The following NELL2 variants were observed in gnomAD, a reference collection of about 807,000 sequenced individuals.
The protein encoded by NELL2 is protein kinase C-binding protein NELL2.
NELL2 carries 41 observed loss-of-function variants against 109.6 expected under a neutral mutation model. The ratio of observed to expected loss-of-function variants is 0.37; its 90% CI spans 0.29 to 0.49. The LOEUF (loss-of-function observed/expected upper bound fraction) is 0.49. NELL2 is among the 20% of genes least tolerant of loss of function. The probability of loss-of-function intolerance (pLI) is 0.98; values close to 1 mark genes in which losing one functional copy is unlikely to be tolerated. For synonymous variants in NELL2, 355 were observed against 344.7 expected (o/e 1.03, Z -0.33); for missense variants, 900 against 1,008.3 (o/e 0.89, Z 1.45).
intron 13 of NELL2, among the ~76,000 whole-genome samples, chr12:44,663,697 C>T (rs940091264): frequency 4.6e-5 from 7 of 152,102 alleles, no homozygotes; most frequent in East Asian, 3.9e-4. Flanking sequence ...CTGGGAGAGG[C>T]GAAGCCAAAG....
intron 2 of NELL2, among the ~76,000 whole-genome samples, chr12:44,859,793 T>C (rs749104872): frequency 2.0e-5 from 3 of 152,208 alleles, no homozygotes; most frequent in Non-Finnish European, 4.4e-5. Context: ...ACTTCAGCCA[T>C]GACACTGAAA....
intron 3 of NELL2, among the ~76,000 whole-genome samples, chr12:44,780,844 T>C (rs1012575784): frequency 6.6e-6 from 1 of 151,994 alleles, no homozygotes; most frequent in Non-Finnish European, 1.5e-5. Context: ...CAAAGGCAAG[T>C]GGGGAATCTA....
rs752907366 is a variant in NELL2, at chr12:44,816,003, A to C, written c.318T>G (p.Ile106Met). 3 of 1,611,798 alleles carry C rather than the reference A, an allele frequency of 1.9e-6. No homozygotes were observed. In the African/African-American group the frequency reaches 4.0e-5, roughly 22 times the overall value. Residue 106 changes from isoleucine (I) to methionine (M), a missense_variant, in exon 3 of 20, where the codon ATT becomes ATG. This residue lies in a region of NELL2 where 200 missense variants were observed against 191.8 expected (regional missense o/e 1.04). Transcript: ENST00000429094. Reference sequence around the variant, plus strand: ...ACATTTACCTGTGATCCAAGTGGTGAATTGAGAGAATAACTCCTGAATTTA... The same window carrying C: ...ACATTTACCTGTGATCCAAGTGGTGCATTGAGAGAATAACTCCTGAATTTA... ...THLNSGVILS[I>M]HHLDHRYLEL...
chr12:44,756,205 C>A (rs1940882104), intron 9 of NELL2, among the ~76,000 whole-genome samples: 2 of 152,130 alleles, frequency 1.3e-5, no homozygotes, highest in Admixed American at 6.6e-5. Flanking sequence ...CCTTTCCTAG[C>A]AAAGTTCGAA....
intron 15 of NELL2, among the ~76,000 whole-genome samples, chr12:44,566,041 G>T (rs1943645487): frequency 6.6e-6 from 1 of 152,124 alleles, no homozygotes; most frequent in Non-Finnish European, 1.5e-5. Context: ...GACAGGGAAA[G>T]GAAACTTAGG....
intron 11 of NELL2, among the ~76,000 whole-genome samples, chr12:44,710,848 AG>A (rs1185193842): frequency 6.6e-6 from 1 of 152,160 alleles, no homozygotes; most frequent in Admixed American, 6.6e-5. Flanking sequence ...TCAAGAAGAA[AG>A]GGATTTGAAG....
intron 2 of NELL2, among the ~76,000 whole-genome samples, chr12:44,835,980 C>T (rs1029150177): frequency 2.0e-5 from 3 of 152,118 alleles, no homozygotes; most frequent in African/African-American, 7.2e-5. Flanking sequence ...CATCAACCTA[C>T]CAGTATTTTA....
chr12:44,561,389 G>A (rs1384370440), intron 15 of NELL2, among the ~76,000 whole-genome samples: 1 of 152,154 alleles, frequency 6.6e-6, no homozygotes, highest in African/African-American at 2.4e-5. Flanking sequence ...AAGTTAAATT[G>A]TCTCTGTTTG....
At chr12:44,732,293 C>T (rs925298959) in intron 9 of NELL2, among the ~76,000 whole-genome samples, 2 of 151,862 alleles carry the variant, frequency 1.3e-5, no homozygotes, top group Admixed American at 1.3e-4. Context: ...AGCTGGAGGC[C>T]TCACACTTCC....
chr12:44,749,167 T>C (rs968786398), intron 9 of NELL2, among the ~76,000 whole-genome samples: 22 of 152,164 alleles, frequency 1.4e-4, no homozygotes, highest in African/African-American at 5.3e-4. Context: ...ATCCCTTCAG[T>C]TCAGTCTATC....
chr12:44,776,938 G>A (rs144770643), intron 7 of NELL2, 104 bp downstream of exon 7: 4 of 949,260 alleles, frequency 4.2e-6, no homozygotes. Context: ...AAACAGTATA[G>A]TATAAGAAGA....
At chr12:44,648,900 TTGTGTGTGTG>T (rs563769057) in intron 13 of NELL2, among the ~76,000 whole-genome samples, 307 of 107,164 alleles carry the variant, frequency 2.9e-3, no homozygotes, top group Non-Finnish European at 3.9e-3. Flanking sequence ...CACGCCCAGC[TTGTGTGTGTG>T]TGTGTGTGTG....
intron 12 of NELL2, among the ~76,000 whole-genome samples, chr12:44,677,824 G>T (rs1425080402): frequency 6.6e-6 from 1 of 152,088 alleles, no homozygotes; most frequent in East Asian, 1.9e-4. Flanking sequence ...AACTGGGTGG[G>T]TCCATAGTGT....
At chr12:44,609,577 C>A (rs779726241) in intron 14 of NELL2, among the ~76,000 whole-genome samples, 2 of 152,090 alleles carry the variant, frequency 1.3e-5, no homozygotes, top group Non-Finnish European at 2.9e-5. Context: ...ACTTTACATT[C>A]TAAAAGTCTA....
At chr12:44,757,003 C>T (rs1030833299) in intron 9 of NELL2, among the ~76,000 whole-genome samples, 1 of 152,152 alleles carries the variant, frequency 6.6e-6, no homozygotes, top group Non-Finnish European at 1.5e-5. Context: ...TCTCAAACTC[C>T]TTATGGCCAA....
rs761574470 is a variant in NELL2, at chr12:44,521,962, G to A, written c.2175+38C>T. ...GGTTGCTTCTCTATTTAGATTCTGG[G>A]CCTAAATTTTCTTTCCACTTCATGT... On this transcript the variant is annotated intron_variant, in intron 18 of 19. Transcript: ENST00000429094. 15 of 1,603,594 alleles carry A rather than the reference G, an allele frequency of 9.4e-6. No individual in the cohort carries two copies. The Admixed American group carries it at 2.4e-4, about 25-fold the overall frequency.
intron 2 of NELL2, among the ~76,000 whole-genome samples, chr12:44,870,473 C>G (rs1446206487): frequency 1.3e-5 from 2 of 152,158 alleles, no homozygotes; most frequent in Non-Finnish European, 2.9e-5. Flanking sequence ...TCACCACAAA[C>G]TTAGTGACTT....
chr12:44,750,379 C>G (rs528096010), intron 9 of NELL2, among the ~76,000 whole-genome samples: 1 of 152,154 alleles, frequency 6.6e-6, no homozygotes, highest in African/African-American at 2.4e-5. Flanking sequence ...GTAGATGTTT[C>G]CTAATACATT....
chr12:44,907,044 T>C (rs568714543), intron 1 of NELL2, among the ~76,000 whole-genome samples: 1 of 152,044 alleles, frequency 6.6e-6, no homozygotes, highest in Non-Finnish European at 1.5e-5. Flanking sequence ...TGAGTTCTTA[T>C]GAGAGCTAAT....
Sources: gnomAD v4.1 joint callset for allele counts (sites outside exome capture counted in the v4.1 genomes callset) on GRCh38, gnomAD v4.1.1 for gene constraint, gnomAD v4.1.1 regional missense constraint, MANE v1.5 for transcripts, NCBI Gene and HGNC (gene_info 2026-07-23, HGNC 2026-07-21) for gene names.